FRMD1: variants seen among roughly 807,000 people sequenced by gnomAD.
FRMD1 encodes the protein FERM domain containing 1.
In FRMD1, 51 loss-of-function variants were observed where a neutral mutation model predicts 54.9. That is an observed-to-expected ratio of 0.93 (90% CI 0.74 to 1.17). FRMD1 has a LOEUF of 1.17. Among genes scored for constraint, FRMD1 ranks in the 50% most tolerant of loss-of-function variants. The pLI, the probability that FRMD1 is intolerant of heterozygous loss-of-function variation, is 0.00. For missense variants in FRMD1, 729 were observed against 743.0 expected (o/e 0.98, Z 0.22); for synonymous variants, 324 against 306.4 (o/e 1.06, Z -0.60).
chr6:168,060,897 C>T lies in FRMD1; in HGVS notation c.1206G>A (p.Lys402=). 6.2e-7 allele frequency: 1 copy of T among 1,613,864 alleles called. No individual in the cohort carries two copies. Among genetic ancestry groups the T allele is most frequent in the Non-Finnish European group, 8.5e-7 (1 of 1,180,032 alleles). The stretch of plus-strand genomic sequence containing the variant: ...TGGATTCCCTGAGCCAGGAGTTGGC[C>T]TTGATGCCTGACGTGTAGGAACTGC... The part of the protein sequence containing the change: ...SHGSSYTSGI[K]ANSWLRESRE... Residue 402 remains lysine, a synonymous_variant, in exon 9 of 11, where the codon AAG becomes AAA. Transcript: ENST00000283309.
rs1433996834 is a variant in FRMD1 at position 168,066,827 on chromosome 6, T to C, written c.389A>G (p.Asn130Ser). 6 of 1,612,718 alleles carry C rather than the reference T, an allele frequency of 3.7e-6. No individual in the cohort carries two copies. The South Asian group carries it at 4.4e-5, about 12-fold the overall frequency. Residue 130 changes from asparagine to serine, a missense_variant, in exon 4 of 11, where the codon AAT becomes AGT. Asn to Ser is a conservative substitution (Grantham distance 46). Coordinates refer to ENST00000283309, the MANE Select transcript of FRMD1 (RefSeq NM_024919.6). Reference sequence around the variant, plus strand: ...CACGAAGGGGGCTCTGGGTTTCTCATTTCCCTAGTGGGGAAAATGCAAGAA... The same window carrying C: ...CACGAAGGGGGCTCTGGGTTTCTCACTTCCCTAGTGGGGAAAATGCAAGAA... Reference protein sequence around the residue: ...KDWKKERNEGNEKPRAPFVAF... With the variant: ...KDWKKERNEGSEKPRAPFVAF...
At position 168,055,475 on chromosome 6, in the gene FRMD1, T is replaced by A. The variant is rs1218126397; in HGVS notation, c.*1622A>T. ...ACCACCTGCTGTGTCTCCCCAACAC[T>A]GGTGTGTACCTTCCCTCATGGTCCA... On this transcript the variant is annotated 3_prime_UTR_variant, in exon 11 of 11. Coordinates refer to ENST00000283309, the MANE Select transcript of FRMD1 (RefSeq NM_024919.6). 1 of 152,266 alleles carries A rather than the reference T, an allele frequency of 6.6e-6. No individual in the cohort carries two copies. The highest frequency in any genetic ancestry group is 1.5e-5 in the Non-Finnish European group (1 of 68,072). 9.4% of individuals were successfully genotyped at this position (152,266 alleles called of 1,614,324 possible).
upstream of FRMD1, among the ~76,000 whole-genome samples, chr6:168,082,646 C>T (rs1800853962): frequency 1.3e-5 from 2 of 152,202 alleles, no homozygotes; most frequent in Non-Finnish European, 2.9e-5. Flanking sequence ...TTCAGGGCCC[C>T]AGGCTCCAGG....
At chr6:168,085,244 C>A (rs556047237), upstream of FRMD1, among the ~76,000 whole-genome samples, 3 of 152,358 alleles carry the variant, frequency 2.0e-5, no homozygotes, top group African/African-American at 7.2e-5. Flanking sequence ...GGGAGCCAGG[C>A]CATTCTCACC....
At chr6:168,075,839 G>C in intron 1 of FRMD1, 4 of 1,534,258 alleles carry the variant, frequency 2.6e-6, no homozygotes, top group Non-Finnish European at 3.5e-6. Context: ...GCGTGTCCCT[G>C]TTTCCGGCGT....
chr6:168,081,419 C>A, upstream of FRMD1: 1 of 1,535,508 alleles, frequency 6.5e-7, no homozygotes, highest in Non-Finnish European at 8.7e-7. Context: ...ATGTCAGGGC[C>A]GGGCAGTGGA....
intron 1 of FRMD1, among the ~76,000 whole-genome samples, chr6:168,091,479 C>T (rs1017818900): frequency 5.9e-5 from 9 of 152,240 alleles, no homozygotes; most frequent in African/African-American, 9.6e-5. Context: ...CTCCTGGGGA[C>T]TCCGTGGCCT....
rs1166782932 is a variant in FRMD1 at position 168,056,755 on chromosome 6, C to T, written c.*342G>A. 5.0e-5 allele frequency: 10 copies of T among 200,772 alleles called. No homozygotes were observed. The highest frequency in any genetic ancestry group is 3.8e-4 in the Admixed American group (7 of 18,554). 12.4% of individuals were successfully genotyped at this position (200,772 alleles called of 1,614,324 possible). A position where few individuals can be genotyped will look rare whatever the true frequency, so the allele number is the denominator to read the frequency against. On this transcript the variant is annotated 3_prime_UTR_variant, in exon 11 of 11. Coordinates refer to ENST00000283309, the MANE Select transcript of FRMD1 (RefSeq NM_024919.6). ...CTCCAGGGTCTGGGCCCAGCTGTGTCACCTTCTCTCCCAGATTAGGATGGG... is the reference window on the plus strand; with the variant it reads ...CTCCAGGGTCTGGGCCCAGCTGTGTTACCTTCTCTCCCAGATTAGGATGGG...
Position 168,064,874 on chromosome 6 carries a change from C to T in FRMD1, c.645G>A (p.Gln215=). 1.3e-6 allele frequency: 2 copies of T among 1,562,564 alleles called. No homozygotes were observed. The highest frequency in any genetic ancestry group is 1.7e-6 in the Non-Finnish European group (2 of 1,153,528). The change falls in exon 5 of 11, where the codon CAG becomes CAA. Residue 215 remains glutamine (Q), a synonymous_variant. Coordinates refer to ENST00000283309, the MANE Select transcript of FRMD1 (RefSeq NM_024919.6). ...RYFEPHSYFP[Q]WIITKRGIDY... ...AGGAGGTGGGCCCTGACCTTACCCA[C>T]TGTGGGAAGTAGGAGTGTGGCTCGA...
chr6:168,085,735 C>T (rs527563854), upstream of FRMD1, among the ~76,000 whole-genome samples: 149 of 148,842 alleles, frequency 1.0e-3, 1 homozygote, highest in Admixed American at 3.2e-3. Flanking sequence ...GGCTCCCTAT[C>T]GCCCAGCCAT....
intron 2 of FRMD1, among the ~76,000 whole-genome samples, chr6:168,074,507 ATGT>A (rs1482722913): frequency 1.5e-5 from 2 of 129,528 alleles, no homozygotes; most frequent in Non-Finnish European, 3.3e-5. Context: ...TGGTGTGTGC[ATGT>A]GTGTGGTGTA....
chr6:168,062,784 G>A, intron 7 of FRMD1, 110 bp downstream of exon 7: 2 of 1,601,988 alleles, frequency 1.2e-6, no homozygotes, highest in Non-Finnish European at 1.7e-6. Flanking sequence ...GGGCCAGCCA[G>A]CGCCCATGAC....
intron 3 of FRMD1, 90 bp from the exon 4 acceptor site, chr6:168,066,921 T>C (rs1800061345): frequency 4.0e-6 from 6 of 1,517,302 alleles, no homozygotes; most frequent in Non-Finnish European, 5.4e-6. Context: ...CCTGGATTGC[T>C]TCACACTCAG....
intron 4 of FRMD1, chr6:168,066,519 A>C (rs918036304): frequency 2.5e-5 from 32 of 1,273,676 alleles, no homozygotes; most frequent in African/African-American, 4.7e-5. Context: ...AAAACAAAAC[A>C]AAAAGAAAAA....
At chr6:168,080,902 C>T (rs1412544580), upstream of FRMD1, among the ~76,000 whole-genome samples, 1 of 151,416 alleles carries the variant, frequency 6.6e-6, no homozygotes, top group South Asian at 2.1e-4. Context: ...TGTGTGTGGG[C>T]GCTGGTGTGT....
At chr6:168,079,750 C>T (rs1311093392), upstream of FRMD1, among the ~76,000 whole-genome samples, 5 of 152,184 alleles carry the variant, frequency 3.3e-5, no homozygotes, top group Non-Finnish European at 4.4e-5. Context: ...AAATCCCTTC[C>T]TGCCTGCAGC....
At chr6:168,068,367 C>T (rs566052692) in intron 2 of FRMD1, among the ~76,000 whole-genome samples, 9 of 152,282 alleles carry the variant, frequency 5.9e-5, no homozygotes, top group African/African-American at 1.4e-4. Flanking sequence ...ATTCCTGCTG[C>T]GACTTAAAGC....
At chr6:168,081,339 C>A (rs962102421), upstream of FRMD1, 9 of 1,522,282 alleles carry the variant, frequency 5.9e-6, no homozygotes, top group African/African-American at 2.7e-5. Flanking sequence ...AACACTGACC[C>A]CACCTCTGAA....
intron 2 of FRMD1, among the ~76,000 whole-genome samples, chr6:168,069,293 T>A (rs960159626): frequency 6.6e-6 from 1 of 152,182 alleles, no homozygotes; most frequent in Non-Finnish European, 1.5e-5. Context: ...GTTAATAAAA[T>A]CTTGTTGGTA....
Sources: gnomAD v4.1 joint callset for allele counts (sites outside exome capture counted in the v4.1 genomes callset) on GRCh38, gnomAD v4.1.1 for gene constraint, MANE v1.5 for transcripts, NCBI Gene and HGNC (gene_info 2026-07-23, HGNC 2026-07-21) for gene names.